The following CAMK1D variants were observed in gnomAD, a reference collection of about 807,000 sequenced individuals.
CAMK1D encodes calcium/calmodulin dependent protein kinase ID.
In CAMK1D, 9 loss-of-function variants were observed where a neutral mutation model predicts 47.7. That is an observed-to-expected ratio of 0.19 (90% CI 0.11 to 0.33). The LOEUF (loss-of-function observed/expected upper bound fraction) is 0.33. Among genes scored for constraint, CAMK1D ranks in the 10% least tolerant of loss-of-function variants. The pLI, the probability that CAMK1D is intolerant of heterozygous loss-of-function variation, is 1.00. For missense variants in CAMK1D, 291 were observed against 488.7 expected (o/e 0.60, Z 3.81); for synonymous variants, 184 against 184.9 (o/e 0.99, Z 0.04).
At chr10:12,439,776 A>T (rs143393113) in intron 1 of CAMK1D, among the ~76,000 whole-genome samples, 2 of 152,264 alleles carry the variant, frequency 1.3e-5, no homozygotes, top group East Asian at 3.8e-4. Context: ...CACGCTGCTG[A>T]TGAAGACATA....
At chr10:12,485,600 G>A (rs1834190988) in intron 1 of CAMK1D, among the ~76,000 whole-genome samples, 1 of 152,144 alleles carries the variant, frequency 6.6e-6, no homozygotes, top group Non-Finnish European at 1.5e-5. Flanking sequence ...CTGGAAGGGA[G>A]GGTGGGGCTT....
At chr10:12,558,925 C>T (rs780128047) in intron 2 of CAMK1D, among the ~76,000 whole-genome samples, 1 of 152,176 alleles carries the variant, frequency 6.6e-6, no homozygotes, top group Non-Finnish European at 1.5e-5. Context: ...TGAGGAGTCT[C>T]AGATGATGGT....
chr10:12,640,956 GTTTT>G (rs925049413), intron 2 of CAMK1D, among the ~76,000 whole-genome samples: 1 of 151,624 alleles, frequency 6.6e-6, no homozygotes, highest in Non-Finnish European at 1.5e-5. Flanking sequence ...TTAAAATACA[GTTTT>G]TTTGTTTTTT....
chr10:12,812,053 A>G (rs1040737496), intron 6 of CAMK1D, among the ~76,000 whole-genome samples: 1 of 152,222 alleles, frequency 6.6e-6, no homozygotes, highest in Non-Finnish European at 1.5e-5. Flanking sequence ...AGAATGTCTC[A>G]CAGCCTTTAA....
chr10:12,428,802 A>C (rs1397253157), intron 1 of CAMK1D, among the ~76,000 whole-genome samples: 1 of 152,142 alleles, frequency 6.6e-6, no homozygotes, highest in Non-Finnish European at 1.5e-5. Context: ...ATTAGGTCAT[A>C]AAGGGGGAGC....
chr10:12,380,172 A>G (rs1197703402), intron 1 of CAMK1D, among the ~76,000 whole-genome samples: 4 of 152,004 alleles, frequency 2.6e-5, no homozygotes, highest in Non-Finnish European at 5.9e-5. Flanking sequence ...CCAAGATGGC[A>G]CCACTGCACT....
In CAMK1D at chr10:12,828,917, G is replaced by T; in HGVS notation, c.*30G>T. 1 of 1,520,768 alleles carries T rather than the reference G, an allele frequency of 6.6e-7. No homozygotes were observed. The highest frequency in any genetic ancestry group is 8.9e-7 in the Non-Finnish European group (1 of 1,128,414). 94.2% of individuals were successfully genotyped at this position (1,520,768 alleles called of 1,614,324 possible). On this transcript the variant is annotated 3_prime_UTR_variant, in exon 11 of 11. Coordinates refer to ENST00000619168, the MANE Select transcript of CAMK1D (RefSeq NM_153498.4). ...CCCTGGAGGTGGGGCCCGGGGTCGG[G>T]GCTGGGGAAGGGGAGCCCCAGGGTC...
chr10:12,545,917 C>T (rs962548029), intron 1 of CAMK1D, among the ~76,000 whole-genome samples: 7 of 152,026 alleles, frequency 4.6e-5, no homozygotes, highest in African/African-American at 9.7e-5. Context: ...CGTGAAAGGC[C>T]GCTGTGTGTT....
chr10:12,704,265 A>G (rs1445486653), intron 3 of CAMK1D, among the ~76,000 whole-genome samples: 1 of 152,170 alleles, frequency 6.6e-6, no homozygotes, highest in Non-Finnish European at 1.5e-5. Context: ...CTTGGCTGTT[A>G]TCAGCATTTC....
At position 12,569,667 on chromosome 10, in the gene CAMK1D, C is replaced by T. The variant is rs533470439; in HGVS notation, c.224+16311C>T. On this transcript the variant is annotated intron_variant, in intron 2 of 10. Coordinates refer to ENST00000619168, the MANE Select transcript of CAMK1D (RefSeq NM_153498.4). The stretch of plus-strand genomic sequence containing the variant: ...CCGGGAGGTGGAGCTTGCAGTGAGC[C>T]GAGATCGTGCCACTGCACTCTATCT... Among the ~76,000 whole-genome samples, 270 of 127,186 alleles carry T rather than the reference C, an allele frequency of 2.1e-3. 1 individual carries two copies. Among genetic ancestry groups the T allele is most frequent in the African/African-American group, 8.1e-3 (261 of 32,028 alleles). The allele number at this position is 127,186 out of a possible 152,430, so 83.4% of individuals were successfully genotyped here.
At chr10:12,667,549 A>T (rs1048965116) in intron 3 of CAMK1D, among the ~76,000 whole-genome samples, 1 of 152,226 alleles carries the variant, frequency 6.6e-6, no homozygotes, top group Admixed American at 6.5e-5. Context: ...CCAGGGCTAC[A>T]TTTAGTAGAA....
At chr10:12,734,422 G>GTA (rs1327578103) in intron 3 of CAMK1D, among the ~76,000 whole-genome samples, 1 of 5,184 alleles carries the variant, frequency 1.9e-4, no homozygotes, top group African/African-American at 2.2e-4. Flanking sequence ...ACACACACAT[G>GTA]TATATATATA....
At chr10:12,627,753 C>T (rs554089035) in intron 2 of CAMK1D, among the ~76,000 whole-genome samples, 88 of 152,098 alleles carry the variant, frequency 5.8e-4, no homozygotes, top group Non-Finnish European at 9.9e-4. Context: ...AAATGTAACA[C>T]GAGGTGTTTA....
intron 4 of CAMK1D, among the ~76,000 whole-genome samples, chr10:12,764,908 G>A (rs1009829062): frequency 2.0e-5 from 3 of 152,092 alleles, no homozygotes; most frequent in African/African-American, 4.8e-5. Context: ...CCAGCCTGGC[G>A]AACATGATGA....
intron 8 of CAMK1D, 108 bp from the exon 9 acceptor site, chr10:12,824,357 A>C (rs2482023): frequency 0.83 from 769,176 of 925,890 alleles, 319,712 homozygotes; most frequent in East Asian, 0.86. Flanking sequence ...CACCCTGTCC[A>C]CGACTGAGCC....
chr10:12,752,173 G>A (rs972604343), intron 3 of CAMK1D, among the ~76,000 whole-genome samples: 14 of 151,944 alleles, frequency 9.2e-5, no homozygotes, highest in Non-Finnish European at 1.8e-4. Context: ...TGTAGAGATG[G>A]GATTTCACCA....
At chr10:12,718,888 A>C (rs1191680761) in intron 3 of CAMK1D, among the ~76,000 whole-genome samples, 1 of 152,144 alleles carries the variant, frequency 6.6e-6, no homozygotes, top group South Asian at 2.1e-4. Context: ...CAGCACTAGG[A>C]GTTGACACCC....
chr10:12,532,366 G>A (rs562119952), intron 1 of CAMK1D, among the ~76,000 whole-genome samples: 2 of 150,422 alleles, frequency 1.3e-5, no homozygotes, highest in South Asian at 2.1e-4. Flanking sequence ...TGCAAGCTCC[G>A]CCTCCTGGGT....
chr10:12,411,246 TGC>T (rs1384776868), intron 1 of CAMK1D, among the ~76,000 whole-genome samples: 1 of 152,122 alleles, frequency 6.6e-6, no homozygotes, highest in Non-Finnish European at 1.5e-5. Context: ...CTTGGCAGAA[TGC>T]GGAGATTCTG....
Sources: gnomAD v4.1 joint callset for allele counts (sites outside exome capture counted in the v4.1 genomes callset) on GRCh38, gnomAD v4.1.1 for gene constraint, MANE v1.5 for transcripts, NCBI Gene and HGNC (gene_info 2026-07-23, HGNC 2026-07-21) for gene names.